Variants in OPN3 observed in about 807,000 individuals in gnomAD.
OPN3 encodes opsin 3.
Under a neutral mutation model 33.8 loss-of-function variants are expected in OPN3, and 29 were observed. The ratio of observed to expected loss-of-function variants is 0.86; its 90% CI spans 0.64 to 1.17. The LOEUF (loss-of-function observed/expected upper bound fraction) is 1.17, where lower values mean the gene tolerates loss of function less well. Ranked by LOEUF, OPN3 falls within the 50% of genes most tolerant of loss-of-function variation. The pLI is 0.00. For synonymous variants in OPN3, 216 were observed against 216.1 expected, an observed-to-expected ratio of 1.00 and a Z score of 0.00; for missense variants, 437 against 514.1, an observed-to-expected ratio of 0.85 and a Z score of 1.45.
At chr1:241,621,688 A>C (rs1435698461) in intron 1 of OPN3, among the ~76,000 whole-genome samples, 1 of 152,146 alleles carries the variant, frequency 6.6e-6, no homozygotes, top group Admixed American at 6.6e-5. Flanking sequence ...AGAAATGTTC[A>C]AAGATGTTGA....
At chr1:241,637,429 G>T (rs1441861855) in intron 1 of OPN3, among the ~76,000 whole-genome samples, 1 of 152,172 alleles carries the variant, frequency 6.6e-6, no homozygotes. Context: ...ACAGAATGCA[G>T]CAGTTGCCTG....
chr1:241,628,883 T>C (rs1664504941), intron 1 of OPN3: 1 of 152,596 alleles, frequency 6.6e-6, no homozygotes, highest in Non-Finnish European at 1.5e-5. Context: ...TAATCTTTTA[T>C]TTTTTATTGC....
At position 241,594,118 on chromosome 1, in the gene OPN3, GAA is replaced by G. The variant is rs1047911968; in HGVS notation, c.*308_*309del. 2 of 297,424 alleles carry G rather than the reference GAA, an allele frequency of 6.7e-6. No individual in the cohort carries two copies. Among genetic ancestry groups the G allele is most frequent in the African/African-American group, 4.4e-5 (2 of 45,742 alleles). 18.4% of individuals were successfully genotyped at this position (297,424 alleles called of 1,614,324 possible). On this transcript the variant is annotated 3_prime_UTR_variant, in exon 4 of 4. Transcript: ENST00000366554. ...CGAGAAAAATGCATTACGTGTTTTG[GAA>G]AATAGAGTAATTTAAAAAATATATT...
At chr1:241,605,065 A>AAAT (rs1553354026) in intron 1 of OPN3, among the ~76,000 whole-genome samples, 2,511 of 143,108 alleles carry the variant, frequency 0.018, 41 homozygotes, top group South Asian at 0.029. Context: ...CAAAAAAAAA[A>AAAT]AAAATAAAAT....
chr1:241,639,171 G>C (rs1377868230), intron 1 of OPN3: 2 of 152,172 alleles, frequency 1.3e-5, no homozygotes, highest in African/African-American at 2.4e-5. Flanking sequence ...GCTAATTACA[G>C]TATTTGTTCA....
At chr1:241,624,862 T>G (rs907253582) in intron 1 of OPN3, among the ~76,000 whole-genome samples, 2 of 149,782 alleles carry the variant, frequency 1.3e-5, no homozygotes, top group Admixed American at 6.6e-5. Context: ...CTTCTACCAC[T>G]TACCAGCTGT....
intron 1 of OPN3, chr1:241,635,489 T>A: frequency 6.2e-7 from 1 of 1,613,884 alleles, no homozygotes; most frequent in South Asian, 1.1e-5. Context: ...AATAGTTTCA[T>A]CCTTCTTGCG....
At position 241,625,952 on chromosome 1, in the gene OPN3, C is replaced by G. The variant is rs541189656; in HGVS notation, c.373+13930G>C. Among the ~76,000 whole-genome samples the G allele has an allele frequency of 3.9e-5, 6 of 152,280 alleles. No individual in the cohort carries two copies. The East Asian group carries it at 7.7e-4, about 20-fold the overall frequency. On this transcript the variant is annotated intron_variant, in intron 1 of 3. Coordinates refer to ENST00000366554, the MANE Select transcript of OPN3 (RefSeq NM_014322.3). ...AGCATCTGATTCCCAGATGTGAAAA[C>G]CAGAATGTCTCCAGACTTTGCCAAT...
chr1:241,598,748 T>C (rs1450736473), intron 2 of OPN3, among the ~76,000 whole-genome samples: 3 of 152,212 alleles, frequency 2.0e-5, no homozygotes, highest in Admixed American at 1.3e-4. Context: ...TATTATTATA[T>C]ATGTGTCATA....
At position 241,593,766 on chromosome 1, in the gene OPN3, G is replaced by GA. The variant is rs933473999; in HGVS notation, c.*661dup. The GA allele has an allele frequency of 6.4e-6, 1 of 155,122 alleles. No individual in the cohort carries two copies. The highest frequency in any genetic ancestry group is 2.4e-5 in the African/African-American group (1 of 41,452). 9.6% of individuals were successfully genotyped at this position (155,122 alleles called of 1,614,324 possible). A position where few individuals can be genotyped will look rare whatever the true frequency, so the allele number is the denominator to read the frequency against. On this transcript the variant is annotated 3_prime_UTR_variant, in exon 4 of 4. Coordinates refer to ENST00000366554, the MANE Select transcript of OPN3 (RefSeq NM_014322.3). ...ATTTTTAGAGAAACAACAAAACAAA[G>GA]AAAAAGAGCTTTGAGTCTGTAGGGG...
intron 1 of OPN3, among the ~76,000 whole-genome samples, chr1:241,621,731 G>C (rs1468140865): frequency 1.3e-5 from 2 of 152,060 alleles, no homozygotes; most frequent in African/African-American, 4.8e-5. Flanking sequence ...CATGAAGGGA[G>C]GATCCAGTGG....
At chr1:241,604,200 G>C (rs1663757573) in intron 2 of OPN3, 60 bp downstream of exon 2, 2 of 1,489,418 alleles carry the variant, frequency 1.3e-6, no homozygotes, top group Non-Finnish European at 1.8e-6. Flanking sequence ...TTATTTTCCA[G>C]ACAAAATTTT....
chr1:241,605,512 CAG>C (rs1663805968), intron 1 of OPN3, among the ~76,000 whole-genome samples: 1 of 152,230 alleles, frequency 6.6e-6, no homozygotes, highest in African/African-American at 2.4e-5. Context: ...CTGTCACCTT[CAG>C]AGAGTAAGGT....
chr1:241,635,479 A>G (rs1220162307), intron 1 of OPN3: 1 of 1,613,854 alleles, frequency 6.2e-7, no homozygotes, highest in African/African-American at 1.3e-5. Context: ...CTGTGTGTTG[A>G]ATAGTTTCAT....
intron 1 of OPN3, among the ~76,000 whole-genome samples, chr1:241,623,045 G>GT (rs1230542332): frequency 2.9e-4 from 43 of 150,866 alleles, no homozygotes; most frequent in Non-Finnish European, 1.8e-4. Flanking sequence ...CAGGAAGTTT[G>GT]TTTTTTTTAA....
chr1:241,624,858 C>T (rs1251761416), intron 1 of OPN3, among the ~76,000 whole-genome samples: 1 of 150,444 alleles, frequency 6.6e-6, no homozygotes, highest in East Asian at 1.9e-4. Context: ...CCCACTTCTA[C>T]CACTTACCAG....
At chr1:241,626,100 T>C (rs989385149) in intron 1 of OPN3, among the ~76,000 whole-genome samples, 2 of 152,372 alleles carry the variant, frequency 1.3e-5, no homozygotes, top group Non-Finnish European at 2.9e-5. Flanking sequence ...TTGACTCATA[T>C]AGGCTTACCC....
At position 241,604,472 on chromosome 1, in the gene OPN3, T is replaced by C; in HGVS notation, c.481A>G (p.Ile161Val). 1 of 1,614,100 alleles carries C rather than the reference T, an allele frequency of 6.2e-7. No individual in the cohort carries two copies. Among genetic ancestry groups the C allele is most frequent in the Non-Finnish European group, 8.5e-7 (1 of 1,180,024 alleles). ...GCCCACGCCAGTGAGTAGAGCCAGATGTAGGTAATGGCCCTCCAGGCCCAG... is the reference window on the plus strand; with the variant it reads ...GCCCACGCCAGTGAGTAGAGCCAGACGTAGGTAATGGCCCTCCAGGCCCAG... Reference protein sequence around the residue: ...FSWAWRAITYIWLYSLAWAGA... With the variant: ...FSWAWRAITYVWLYSLAWAGA... The change falls in exon 2 of 4, where the codon ATC (isoleucine) becomes GTC (valine). Residue 161 changes from isoleucine (I) to valine (V), a missense_variant. Ile to Val is a conservative substitution (Grantham distance 29). Coordinates refer to ENST00000366554, the MANE Select transcript of OPN3 (RefSeq NM_014322.3).
rs576288454 is a variant in OPN3 at position 241,612,980 on chromosome 1, C to T, written c.374-8401G>A. Among the ~76,000 whole-genome samples, 234 of 152,272 alleles carry T rather than the reference C, an allele frequency of 1.5e-3. 1 individual carries two copies. Among genetic ancestry groups the T allele is most frequent in the African/African-American group, 5.3e-3 (219 of 41,542 alleles). On this transcript the variant is annotated intron_variant, in intron 1 of 3. Transcript: ENST00000366554. Reference sequence around the variant, plus strand: ...GCACCCACTCAATCATGGCTGTTACCGTGCAGCGGGCATACCATCCTGTTG... The same window carrying T: ...GCACCCACTCAATCATGGCTGTTACTGTGCAGCGGGCATACCATCCTGTTG...
Sources: gnomAD v4.1 joint callset for allele counts (sites outside exome capture counted in the v4.1 genomes callset) on GRCh38, gnomAD v4.1.1 for gene constraint, MANE v1.5 for transcripts, NCBI Gene and HGNC (gene_info 2026-07-23, HGNC 2026-07-21) for gene names.